The following LARP1B variants were observed in gnomAD, a reference collection of about 807,000 sequenced individuals.
LARP1B encodes La ribonucleoprotein 1B, also known as la-related protein 1B.
Under a neutral mutation model 114.2 loss-of-function variants are expected in LARP1B, and 76 were observed. The observed-to-expected ratio is 0.67, with a 90% CI of 0.55 to 0.81. The LOEUF (loss-of-function observed/expected upper bound fraction) is 0.81. Ranked by LOEUF, LARP1B falls within the 30% of genes least tolerant of loss-of-function variation. The probability of loss-of-function intolerance (pLI) is 0.00; values close to 1 mark genes in which losing one functional copy is unlikely to be tolerated. For missense variants in LARP1B, 1,014 were observed against 1,075.8 expected (o/e 0.94, Z 0.80); for synonymous variants, 345 against 348.0 (o/e 0.99, Z 0.10).
chr4:128,078,342 G>A (rs561751585), intron 4 of LARP1B, among the ~76,000 whole-genome samples: 64 of 152,168 alleles, frequency 4.2e-4, no homozygotes, highest in Admixed American at 7.2e-4. Context: ...TAGGCTGGGC[G>A]CAGTGGCTCA....
At chr4:128,084,695 C>A (rs1772685568) in intron 5 of LARP1B, among the ~76,000 whole-genome samples, 1 of 152,038 alleles carries the variant, frequency 6.6e-6, no homozygotes, top group Non-Finnish European at 1.5e-5. Context: ...CTTAGCGAAT[C>A]ACATGGGAGT....
At chr4:128,207,439 T>G in intron 19 of LARP1B, 56 bp downstream of exon 19, 1 of 1,193,880 alleles carries the variant, frequency 8.4e-7, no homozygotes, top group Non-Finnish European at 1.1e-6. Flanking sequence ...TTCAGTCTCT[T>G]ATCAGTGACT....
chr4:128,203,082 C>T (rs1354270661), intron 17 of LARP1B, among the ~76,000 whole-genome samples: 1 of 152,030 alleles, frequency 6.6e-6, no homozygotes, highest in East Asian at 1.9e-4. Context: ...CTTATAGCTG[C>T]TTGGGAGGCT....
At position 128,107,146 on chromosome 4, in the gene LARP1B, AG is replaced by A. The variant is rs1782402190; in HGVS notation, c.823del (p.Asp275IlefsTer5). 6.2e-7 allele frequency: 1 copy of A among 1,613,494 alleles called. No individual in the cohort carries two copies. The highest frequency in any genetic ancestry group is 8.5e-7 in the Non-Finnish European group (1 of 1,179,566). Reference sequence around the variant, plus strand: ...CTCAATTTCTGTTAATAGGCACTGAAGGATAGCACAGAAGTAGAAATTGTGG... The same window carrying A: ...CTCAATTTCTGTTAATAGGCACTGAAGATAGCACAGAAGTAGAAATTGTGG... Reference protein sequence around the residue: ...TNLNLILEALKDSTEVEIVDE... With the variant: ...TNLNLILEALXDSTEVEIVDE... On this transcript the variant is annotated frameshift_variant, in exon 9 of 20. Transcript: ENST00000326639. LOFTEE classifies it high-confidence loss of function.
chr4:128,149,646 T>C (rs1731820277), intron 11 of LARP1B, among the ~76,000 whole-genome samples: 1 of 152,196 alleles, frequency 6.6e-6, no homozygotes, highest in Non-Finnish European at 1.5e-5. Context: ...TTTGGAAATG[T>C]TGAGTTGATT....
At chr4:128,170,402 A>G (rs1026025636) in intron 12 of LARP1B, among the ~76,000 whole-genome samples, 19 of 152,248 alleles carry the variant, frequency 1.2e-4, no homozygotes, top group African/African-American at 3.1e-4. Context: ...TTTTTTGTCT[A>G]CTGGTTCTGT....
intron 5 of LARP1B, among the ~76,000 whole-genome samples, chr4:128,090,649 G>A (rs1001480260): frequency 5.3e-5 from 8 of 152,022 alleles, no homozygotes; most frequent in East Asian, 1.9e-4. Context: ...TAAATATTTC[G>A]TGAGAAATGT....
chr4:128,168,277 A>T (rs1428595503), intron 12 of LARP1B, among the ~76,000 whole-genome samples: 1 of 151,584 alleles, frequency 6.6e-6, no homozygotes. Flanking sequence ...TAGTATTGTT[A>T]GTTTTTTTTT....
chr4:128,118,095 T>TG (rs1172731706), intron 10 of LARP1B, among the ~76,000 whole-genome samples: 1 of 141,106 alleles, frequency 7.1e-6, no homozygotes, highest in Non-Finnish European at 1.5e-5. Context: ...TTTTTTTTTT[T>TG]TTTTTTTTTT....
rs142293805 is a variant in LARP1B at position 128,199,466 on chromosome 4, C to T, written c.2031C>T (p.Gly677=). ...VSTSNASPSE[G]APLAGSYGCT... The stretch of plus-strand genomic sequence containing the variant: ...CTTCAAATGCTTCACCTTCAGAAGG[C>T]GCACCACTAGCAGGAAGTTATGGAT... The change falls in exon 16 of 20, where the codon GGC becomes GGT. Residue 677 remains glycine (G), a synonymous_variant. Coordinates refer to ENST00000326639, the MANE Select transcript of LARP1B (RefSeq NM_018078.4). 3.9e-4 allele frequency: 615 copies of T among 1,563,100 alleles called. 1 individual carries two copies. Among genetic ancestry groups the T allele is most frequent in the Non-Finnish European group, 5.0e-4 (580 of 1,152,758 alleles).
At chr4:128,136,080 G>A (rs1725117205) in intron 11 of LARP1B, among the ~76,000 whole-genome samples, 1 of 151,970 alleles carries the variant, frequency 6.6e-6, no homozygotes, top group African/African-American at 2.4e-5. Flanking sequence ...ATCACCTGAG[G>A]TCAGGAGTTC....
At chr4:128,207,880 G>A (rs906520088) in intron 19 of LARP1B, among the ~76,000 whole-genome samples, 12 of 152,222 alleles carry the variant, frequency 7.9e-5, no homozygotes, top group Admixed American at 4.6e-4. Flanking sequence ...ATCTTACAAC[G>A]ATGTCCACTC....
intron 15 of LARP1B, among the ~76,000 whole-genome samples, chr4:128,188,473 T>A (rs1366253049): frequency 6.6e-6 from 1 of 152,222 alleles, no homozygotes; most frequent in Non-Finnish European, 1.5e-5. Flanking sequence ...TTTCATTTCA[T>A]TGATTTTTTG....
At chr4:128,077,063 T>C (rs772673012) in intron 3 of LARP1B, among the ~76,000 whole-genome samples, 2 of 152,138 alleles carry the variant, frequency 1.3e-5, no homozygotes, top group African/African-American at 2.4e-5. Flanking sequence ...TCAAAAAATA[T>C]TTTAGCCATT....
At chr4:128,090,265 A>G (rs1243553332) in intron 5 of LARP1B, among the ~76,000 whole-genome samples, 1 of 151,694 alleles carries the variant, frequency 6.6e-6, no homozygotes, top group African/African-American at 2.4e-5. Flanking sequence ...TAGAGGCGGT[A>G]TTTCAGTATG....
chr4:128,080,199 T>C (rs1446241044), intron 4 of LARP1B, among the ~76,000 whole-genome samples: 2 of 151,746 alleles, frequency 1.3e-5, no homozygotes, highest in Non-Finnish European at 2.9e-5. Flanking sequence ...GTCAGGGTGG[T>C]CTCGAGCTCC....
intron 1 of LARP1B, among the ~76,000 whole-genome samples, chr4:128,071,522 A>G (rs1449155146): frequency 6.7e-6 from 1 of 149,218 alleles, no homozygotes; most frequent in Non-Finnish European, 1.5e-5. Flanking sequence ...CCTGGGTTCA[A>G]GCAATTCTTC....
chr4:128,067,710 C>T (rs1330313969), intron 1 of LARP1B, among the ~76,000 whole-genome samples: 3 of 145,110 alleles, frequency 2.1e-5, no homozygotes, highest in African/African-American at 7.6e-5. Flanking sequence ...TGGATACCTC[C>T]TTTTTTTTTT....
chr4:128,104,735 C>T (rs762958903), intron 8 of LARP1B, among the ~76,000 whole-genome samples: 18 of 152,116 alleles, frequency 1.2e-4, no homozygotes, highest in East Asian at 3.8e-4. Flanking sequence ...CTTGAGCCAC[C>T]GTGCCCGGCA....
Sources: gnomAD v4.1 joint callset for allele counts (sites outside exome capture counted in the v4.1 genomes callset) on GRCh38, gnomAD v4.1.1 for gene constraint, MANE v1.5 for transcripts, NCBI Gene and HGNC (gene_info 2026-07-23, HGNC 2026-07-21) for gene names.